CLEC18A: variants seen among roughly 807,000 people sequenced by gnomAD.
CLEC18A encodes mannose receptor-like 1.
In CLEC18A, 5 loss-of-function variants were observed where a neutral mutation model predicts 24.0. That is an observed-to-expected ratio of 0.21 (90% CI 0.11 to 0.44). The LOEUF is 0.44. CLEC18A is among the 20% of genes least tolerant of loss of function. The probability of loss-of-function intolerance (pLI) is 0.99; values close to 1 mark genes in which losing one functional copy is unlikely to be tolerated. For missense variants in CLEC18A, 83 were observed against 233.4 expected (o/e 0.36, Z 4.20); for synonymous variants, 29 against 100.1 (o/e 0.29, Z 4.24).
chr16:69,948,379 T>TTTTTTG (rs1555507356), upstream of CLEC18A, among the ~76,000 whole-genome samples: 178 of 138,118 alleles, frequency 1.3e-3, no homozygotes, highest in African/African-American at 4.5e-3. Context: ...TAAATGTTTT[T>TTTTTTG]TTTGTTTGTT....
At chr16:69,946,285 A>C (rs2152007983), upstream of CLEC18A, among the ~76,000 whole-genome samples, 1 of 137,976 alleles carries the variant, frequency 7.2e-6, no homozygotes, top group Non-Finnish European at 1.6e-5. Context: ...AAAAACAAAC[A>C]ATAAAACAAT....
At position 69,954,567 on chromosome 16, in the gene CLEC18A, C is replaced by T. The variant is rs780262366; in HGVS notation, c.450C>T (p.Tyr150=). 3 of 1,610,818 alleles carry T rather than the reference C, an allele frequency of 1.9e-6. No individual in the cohort carries two copies. Among genetic ancestry groups the T allele is most frequent in the Non-Finnish European group, 2.5e-6 (3 of 1,178,484 alleles). ...ECARNATCTH[Y]TQLVWATSSQ... Reference sequence around the variant, plus strand: ...CTCGCAACGCCACCTGCACCCACTACACGCAGGTGAGTGTGCTGCAGGTGA... The same window carrying T: ...CTCGCAACGCCACCTGCACCCACTATACGCAGGTGAGTGTGCTGCAGGTGA... Residue 150 remains tyrosine (Y), a synonymous_variant, in exon 3 of 12, where the codon TAC becomes TAT. Coordinates refer to ENST00000288040, the MANE Select transcript of CLEC18A (RefSeq NM_001370523.4).
chr16:69,964,942 C>G (rs1959322303), downstream of CLEC18A, among the ~76,000 whole-genome samples: 3 of 152,216 alleles, frequency 2.0e-5, no homozygotes, highest in Non-Finnish European at 4.4e-5. Context: ...GCTGCAACCA[C>G]AGGTCCGCAC....
Position 69,952,869 on chromosome 16 carries a change from G to A in CLEC18A, c.216+743G>A, listed in dbSNP as rs1272861922. On this transcript the variant is annotated intron_variant, in intron 2 of 11. Coordinates refer to ENST00000288040, the MANE Select transcript of CLEC18A (RefSeq NM_001370523.4). ...CAGGCGGCCACAGTGGCGACCTTGA[G>A]CACTCTAGGGTCAGTTTCCCAGGAG... 6.8e-5 allele frequency: 10 copies of A among 146,776 alleles called. No individual in the cohort carries two copies. The East Asian group carries it at 8.2e-4, about 12-fold the overall frequency. 9.1% of individuals were successfully genotyped at this position (146,776 alleles called of 1,614,324 possible).
In CLEC18A at chr16:69,954,498, G is replaced by C; in HGVS notation, c.381G>C (p.Trp127Cys). Residue 127 changes from tryptophan to cysteine, a missense_variant, in exon 3 of 12, where the codon TGG becomes TGC. Physicochemically the swap from Trp to Cys is radical, Grantham distance 215 (BLOSUM62 -2). This residue lies in a region of CLEC18A where 71 missense variants were observed against 107.4 expected (regional missense o/e 0.66). Transcript: ENST00000288040. Reference protein sequence around the residue: ...LVSFVEVVSLWFAEGQRYSHA... With the variant: ...LVSFVEVVSLCFAEGQRYSHA... Reference sequence around the variant, plus strand: ...CCTTTGTCGAAGTGGTCAGCCTATGGTTTGCAGAGGGGCAGCGGTACAGCC... The same window carrying C: ...CCTTTGTCGAAGTGGTCAGCCTATGCTTTGCAGAGGGGCAGCGGTACAGCC... 1 of 1,612,600 alleles carries C rather than the reference G, an allele frequency of 6.2e-7. No individual in the cohort carries two copies. Among genetic ancestry groups the C allele is most frequent in the Non-Finnish European group, 8.5e-7 (1 of 1,179,184 alleles).
upstream of CLEC18A, among the ~76,000 whole-genome samples, chr16:69,950,350 A>C (rs2058931533): frequency 7.8e-6 from 1 of 128,248 alleles, no homozygotes; most frequent in South Asian, 2.4e-4. Context: ...TGGTTGAATA[A>C]CCTTTGGTCT....
chr16:69,947,067 TTTTGCG>T (rs2058912717), upstream of CLEC18A, among the ~76,000 whole-genome samples: 1 of 79,750 alleles, frequency 1.3e-5, no homozygotes, highest in East Asian at 5.5e-4. Flanking sequence ...TAGCTGTACG[TTTTGCG>T]TAAGGGCTGT....
Position 69,963,608 on chromosome 16 carries a change from C to T in CLEC18A, c.1338C>T (p.Ser446=). 1.2e-6 allele frequency: 2 copies of T among 1,607,772 alleles called. No homozygotes were observed. Among genetic ancestry groups the T allele is most frequent in the South Asian group, 2.2e-5 (2 of 90,468 alleles). Residue 446 remains serine, a synonymous_variant, in exon 12 of 12, where the codon TCC becomes TCT. Transcript: ENST00000288040. ...ACATCTCCCGGTGGGGCCCAGGGTC[C>T]TGAGGCCTGACCACATGGCTCCCTC... The part of the protein sequence containing the change: ...QEHISRWGPG[S]
intron 2 of CLEC18A, chr16:69,953,851 G>A (rs71397999): frequency 0.035 from 6,553 of 188,454 alleles, 3 homozygotes; most frequent in Non-Finnish European, 0.053. Context: ...AGGGGGCGGG[G>A]TCAGCTGTGC....
In CLEC18A at chr16:69,954,569, C is replaced by G. The variant is rs75776403; in HGVS notation, c.452C>G (p.Thr151Arg). The change falls in exon 3 of 12, where the codon ACG (threonine) becomes AGG (arginine). Residue 151 changes from threonine to arginine, a missense_variant. This residue lies in a region of CLEC18A where 71 missense variants were observed against 107.4 expected (regional missense o/e 0.66). Coordinates refer to ENST00000288040, the MANE Select transcript of CLEC18A (RefSeq NM_001370523.4). ...CARNATCTHY[T>R]QLVWATSSQL... is the part of the protein sequence containing the mutation. ...CGCAACGCCACCTGCACCCACTACA[C>G]GCAGGTGAGTGTGCTGCAGGTGAGG... is the stretch of plus-strand genomic sequence containing the variant. 1.2e-6 allele frequency: 2 copies of G among 1,602,702 alleles called. No homozygotes were observed. Among genetic ancestry groups the G allele is most frequent in the African/African-American group, 1.3e-5 (1 of 74,664 alleles).
chr16:69,965,067 G>A (rs1959328459), downstream of CLEC18A, among the ~76,000 whole-genome samples: 2 of 151,666 alleles, frequency 1.3e-5, no homozygotes, highest in Non-Finnish European at 2.9e-5. Context: ...CTCCCAAAGT[G>A]CTGGGGTTAC....
At chr16:69,944,680 C>G in the CLEC18A span, among the ~76,000 whole-genome samples, 2 of 150,204 alleles carry the variant, frequency 1.3e-5, no homozygotes, top group Non-Finnish European at 3.0e-5. Context: ...ACTAAAGATA[C>G]AAAAAGTTAG....
upstream of CLEC18A, among the ~76,000 whole-genome samples, chr16:69,947,065 C>T (rs921817513): frequency 7.5e-5 from 6 of 80,328 alleles, 1 homozygote; most frequent in Non-Finnish European, 1.4e-4. Context: ...ATTAGCTGTA[C>T]GTTTTGCGTA....
chr16:69,964,669 TG>T (rs201007844), downstream of CLEC18A, among the ~76,000 whole-genome samples: 26 of 149,002 alleles, frequency 1.7e-4, no homozygotes, highest in African/African-American at 5.9e-4. Context: ...CCGGCTAATT[TG>T]TTTTTTGTAT....
chr16:69,952,592 C>T (rs2152012259), intron 2 of CLEC18A: 1 of 156,922 alleles, frequency 6.4e-6, no homozygotes, highest in South Asian at 2.0e-4. Flanking sequence ...GGGCCTTGCC[C>T]ATGTTCTCTG....
At chr16:69,944,559 G>T in the CLEC18A span, among the ~76,000 whole-genome samples, 1 of 151,634 alleles carries the variant, frequency 6.6e-6, no homozygotes, top group Non-Finnish European at 1.5e-5. Context: ...AAAAAGAAGG[G>T]CCAGGCACGG....
At chr16:69,956,797 C>T (rs1311970393) in intron 3 of CLEC18A, among the ~76,000 whole-genome samples, 10 of 132,428 alleles carry the variant, frequency 7.6e-5, no homozygotes, top group Admixed American at 1.5e-4. Flanking sequence ...GGCCAGAGTG[C>T]AGTGGTGCGA....
At position 69,963,713 on chromosome 16, in the gene CLEC18A, C is replaced by T; in HGVS notation, c.*102C>T. The T allele has an allele frequency of 3.3e-6, 4 of 1,229,500 alleles. No homozygotes were observed. The highest frequency in any genetic ancestry group is 2.8e-5 in the African/African-American group (2 of 70,232). The allele number at this position is 1,229,500 out of a possible 1,614,324, so 76.2% of individuals were successfully genotyped here. A position where few individuals can be genotyped will look rare whatever the true frequency, so the allele number is the denominator to read the frequency against. ...AGGGCCAGGTTAAGATCACATGCCT[C>T]ATGTCCAAAGAGGTCTCAGACCTTG... On this transcript the variant is annotated 3_prime_UTR_variant, in exon 12 of 12. Transcript: ENST00000288040.
the CLEC18A span, among the ~76,000 whole-genome samples, chr16:69,945,295 A>G: frequency 6.6e-6 from 1 of 150,784 alleles, no homozygotes; most frequent in African/African-American, 2.5e-5. Flanking sequence ...AATAAAATAA[A>G]TTGGCCATAA....
Sources: gnomAD v4.1 joint callset for allele counts (sites outside exome capture counted in the v4.1 genomes callset) on GRCh38, gnomAD v4.1.1 for gene constraint, gnomAD v4.1.1 regional missense constraint, MANE v1.5 for transcripts, NCBI Gene and HGNC (gene_info 2026-07-23, HGNC 2026-07-21) for gene names.